The following NRXN1 variants were observed in gnomAD, a reference collection of about 807,000 sequenced individuals.
NRXN1 encodes the protein neurexin 1.
In NRXN1, 39 loss-of-function variants were observed where a neutral mutation model predicts 150.9. That is an observed-to-expected ratio of 0.26 (90% CI 0.20 to 0.34). The LOEUF (loss-of-function observed/expected upper bound fraction) is 0.34. NRXN1 is among the 10% of genes least tolerant of loss of function. The pLI is 1.00. For missense variants in NRXN1, 1,815 were observed against 1,949.9 expected (o/e 0.93, Z 1.30); for synonymous variants, 924 against 757.0 (o/e 1.22, Z -3.62).
intron 18 of NRXN1, among the ~76,000 whole-genome samples, chr2:50,181,980 T>C (rs1441223315): frequency 6.6e-6 from 1 of 152,024 alleles, no homozygotes; most frequent in South Asian, 2.1e-4. Context: ...TATTAATTTT[T>C]CAACTTAAAA....
intron 21 of NRXN1, among the ~76,000 whole-genome samples, chr2:49,979,414 C>A (rs998032445): frequency 6.6e-5 from 10 of 152,336 alleles, no homozygotes; most frequent in African/African-American, 2.4e-4. Flanking sequence ...CCTTTGCTAT[C>A]AGGGAGAGGA....
At chr2:50,185,435 C>T (rs534621069) in intron 18 of NRXN1, 1 of 152,030 alleles carries the variant, frequency 6.6e-6, no homozygotes, top group Non-Finnish European at 1.5e-5. Context: ...AAGAAGTTCT[C>T]TCCTTCCTGA....
chr2:50,237,083 C>A (rs1486714175), intron 17 of NRXN1, 113 bp from the exon 18 acceptor site: 4 of 1,019,144 alleles, frequency 3.9e-6, no homozygotes, highest in Non-Finnish European at 6.0e-6. Context: ...AAAACTATGG[C>A]AAAGTAAATC....
At chr2:50,339,105 A>C (rs1024257436) in intron 17 of NRXN1, among the ~76,000 whole-genome samples, 2 of 152,156 alleles carry the variant, frequency 1.3e-5, no homozygotes, top group African/African-American at 4.8e-5. Flanking sequence ...CCAGATAATC[A>C]AAAAAACCAT....
At chr2:50,091,876 T>C (rs1699630400) in intron 18 of NRXN1, among the ~76,000 whole-genome samples, 1 of 152,170 alleles carries the variant, frequency 6.6e-6, no homozygotes, top group African/African-American at 2.4e-5. Context: ...TTTTAATAAC[T>C]GGTGAAATCA....
At chr2:50,989,178 G>A (rs1698170210) in intron 2 of NRXN1, among the ~76,000 whole-genome samples, 3 of 151,954 alleles carry the variant, frequency 2.0e-5, no homozygotes, top group Non-Finnish European at 4.4e-5. Context: ...TGAAATTTAT[G>A]AAGGTTTTGT....
intron 17 of NRXN1, among the ~76,000 whole-genome samples, chr2:50,446,167 T>C (rs111810332): frequency 0.013 from 2,034 of 152,086 alleles, 49 homozygotes; most frequent in African/African-American, 0.046. Context: ...TCAAGACACA[T>C]AGTTGCAGAA....
intron 17 of NRXN1, among the ~76,000 whole-genome samples, chr2:50,314,521 A>T (rs1017442629): frequency 2.6e-5 from 4 of 151,976 alleles, no homozygotes; most frequent in Non-Finnish European, 5.9e-5. Context: ...TCAGAGAAAA[A>T]AAAATCATTC....
rs539506396 is a variant in NRXN1, at chr2:50,300,752, A to T, written c.3365-63782T>A. 2.6e-5 allele frequency among the ~76,000 whole-genome samples: 4 copies of T among 152,004 alleles called. No homozygotes were observed. The East Asian group carries it at 7.7e-4, about 29-fold the overall frequency. ...GCTCTGTCACCCAGGCTGGAGTGCAATGGCACTATCTTGGCTCACTGCAAT... is the reference window on the plus strand; with the variant it reads ...GCTCTGTCACCCAGGCTGGAGTGCATTGGCACTATCTTGGCTCACTGCAAT... On this transcript the variant is annotated intron_variant, in intron 17 of 22. Coordinates refer to ENST00000401669, the MANE Select transcript of NRXN1 (RefSeq NM_001330078.2).
At chr2:51,020,859 G>A (rs1436567050) in intron 2 of NRXN1, among the ~76,000 whole-genome samples, 1 of 152,006 alleles carries the variant, frequency 6.6e-6, no homozygotes, top group Non-Finnish European at 1.5e-5. Flanking sequence ...ATCTGAGAGA[G>A]CATGGTACTC....
intron 2 of NRXN1, among the ~76,000 whole-genome samples, chr2:50,967,240 T>C (rs972027554): frequency 2.6e-5 from 4 of 151,980 alleles, no homozygotes; most frequent in African/African-American, 9.7e-5. Context: ...AACACTTACA[T>C]TTGAACTTAA....
intron 21 of NRXN1, among the ~76,000 whole-genome samples, chr2:49,980,675 A>G (rs1679848646): frequency 6.6e-6 from 1 of 152,132 alleles, no homozygotes; most frequent in Non-Finnish European, 1.5e-5. Flanking sequence ...GAATAGGATG[A>G]CCCTTTTGAA....
chr2:50,303,282 C>G (rs1715992), intron 17 of NRXN1, among the ~76,000 whole-genome samples: 122 of 152,060 alleles, frequency 8.0e-4, no homozygotes, highest in Non-Finnish European at 1.4e-3. Flanking sequence ...GGATACATAC[C>G]TCACAGGATA....
At chr2:50,939,421 A>T (rs1017381600) in intron 2 of NRXN1, among the ~76,000 whole-genome samples, 1 of 151,846 alleles carries the variant, frequency 6.6e-6, no homozygotes, top group Non-Finnish European at 1.5e-5. Flanking sequence ...AATCAACTTT[A>T]TTTTTCAGAA....
intron 18 of NRXN1, among the ~76,000 whole-genome samples, chr2:50,235,583 A>G (rs2065339492): frequency 2.0e-5 from 3 of 152,100 alleles, no homozygotes; most frequent in Admixed American, 2.0e-4. Flanking sequence ...AAAACTTGTA[A>G]AAGTTTGTGC....
At chr2:50,989,939 G>T (rs1698297949) in intron 2 of NRXN1, among the ~76,000 whole-genome samples, 2 of 152,086 alleles carry the variant, frequency 1.3e-5, no homozygotes, top group East Asian at 3.9e-4. Context: ...CACCAGCAAT[G>T]CATGAGATTT....
chr2:50,592,560 G>T (rs972555411), intron 8 of NRXN1, among the ~76,000 whole-genome samples: 3 of 152,198 alleles, frequency 2.0e-5, no homozygotes, highest in Admixed American at 6.5e-5. Flanking sequence ...GGTAACTTTT[G>T]GAACAGAGCT....
chr2:50,968,480 G>A (rs1010541325), intron 2 of NRXN1, among the ~76,000 whole-genome samples: 3 of 151,886 alleles, frequency 2.0e-5, no homozygotes, highest in African/African-American at 4.8e-5. Flanking sequence ...TCCATATAAT[G>A]TTCTTCTCCC....
intron 2 of NRXN1, among the ~76,000 whole-genome samples, chr2:51,005,375 T>C (rs1203232891): frequency 1.3e-5 from 2 of 152,008 alleles, no homozygotes; most frequent in Non-Finnish European, 2.9e-5. Flanking sequence ...ATGAGCTCAA[T>C]GTGATCAGCA....
Sources: allele counts gnomAD v4.1 joint callset (sites outside exome capture counted in the v4.1 genomes callset), GRCh38; gene constraint gnomAD v4.1.1; transcripts MANE v1.5; gene names NCBI Gene and HGNC (gene_info 2026-07-23, HGNC 2026-07-21).